The following CCDC57 variants were observed in gnomAD, a reference collection of about 807,000 sequenced individuals.
CCDC57 encodes the protein coiled-coil domain containing 57.
In CCDC57, 118 loss-of-function variants were observed where a neutral mutation model predicts 118.9. The observed-to-expected ratio is 0.99, with a 90% CI of 0.86 to 1.16. The LOEUF (loss-of-function observed/expected upper bound fraction) is 1.16, where lower values mean the gene tolerates loss of function less well. Ranked by LOEUF, CCDC57 falls within the 50% of genes most tolerant of loss-of-function variation. The pLI, the probability that CCDC57 is intolerant of heterozygous loss-of-function variation, is 0.00. For missense variants in CCDC57, 1,300 were observed against 1,320.7 expected, an observed-to-expected ratio of 0.98 and a Z score of 0.24; for synonymous variants, 527 against 532.9, an observed-to-expected ratio of 0.99 and a Z score of 0.15.
intron 4 of CCDC57, among the ~76,000 whole-genome samples, chr17:82,197,515 AT>A (rs556018952): frequency 3.0e-4 from 46 of 152,386 alleles, no homozygotes; most frequent in Non-Finnish European, 3.4e-4. Context: ...ACTTATCATA[AT>A]TGAATTCCAA....
At position 82,192,048 on chromosome 17, in the gene CCDC57, C is replaced by A. The variant is rs919498576; in HGVS notation, c.851+1708G>T. 6.6e-6 allele frequency among the ~76,000 whole-genome samples: 1 copy of A among 150,894 alleles called. No individual in the cohort carries two copies. Among genetic ancestry groups the A allele is most frequent in the Non-Finnish European group, 1.5e-5 (1 of 67,838 alleles). ...TCACCCAGGCTGGAGTGCAGTGGCGCGGTCTCGGCTCAGTGAAACCTCCAC... is the reference window on the plus strand; with the variant it reads ...TCACCCAGGCTGGAGTGCAGTGGCGAGGTCTCGGCTCAGTGAAACCTCCAC... On this transcript the variant is annotated intron_variant, in intron 7 of 19. Transcript: ENST00000665763. The surrounding 1 kb of genome is among the most constrained non-coding windows in gnomAD (Gnocchi z 4.0).
chr17:82,142,068 C>A (rs1404076374), intron 16 of CCDC57, among the ~76,000 whole-genome samples: 1 of 152,188 alleles, frequency 6.6e-6, no homozygotes, highest in Non-Finnish European at 1.5e-5. Flanking sequence ...TTCCTTGGAA[C>A]TGGTTACAGC....
chr17:82,134,920 T>G (rs949475297), intron 16 of CCDC57, among the ~76,000 whole-genome samples: 10 of 152,172 alleles, frequency 6.6e-5, no homozygotes, highest in African/African-American at 2.4e-4. Context: ...TTTCATCAAT[T>G]CCATTCATGT....
At chr17:82,106,003 G>C (rs1193412177) in intron 19 of CCDC57, among the ~76,000 whole-genome samples, 1 of 152,222 alleles carries the variant, frequency 6.6e-6, no homozygotes, top group Admixed American at 6.5e-5. Context: ...CCTGGGCGCC[G>C]ACCACAGGCT....
chr17:82,178,921 T>A, intron 10 of CCDC57, 106 bp downstream of exon 9: 2 of 1,252,276 alleles, frequency 1.6e-6, no homozygotes, highest in South Asian at 2.9e-5. Context: ...TGAGGTTTAG[T>A]GTTTTCAAAT....
chr17:82,140,335 CTCG>C (rs2039850239), intron 16 of CCDC57, among the ~76,000 whole-genome samples: 1 of 152,130 alleles, frequency 6.6e-6, no homozygotes, highest in African/African-American at 2.4e-5. Context: ...ATCTGCCTGC[CTCG>C]GCCTCCCAAA....
At chr17:82,160,346 GAC>G (rs1174141495) in intron 14 of CCDC57, 1 of 47,280 alleles carries the variant, frequency 2.1e-5, no homozygotes, top group Non-Finnish European at 4.1e-5. Flanking sequence ...CAGGTGCAGT[GAC>G]TCATACCTGT....
At chr17:82,127,172 G>A (rs1384530664) in intron 19 of CCDC57, 17 of 985,354 alleles carry the variant, frequency 1.7e-5, no homozygotes, top group Middle Eastern at 5.2e-4. Flanking sequence ...GGGCGGCAAC[G>A]TCCGCGCAGC....
At chr17:82,157,388 GC>G in intron 15 of CCDC57, 1 of 1,135,826 alleles carries the variant, frequency 8.8e-7, no homozygotes, top group Non-Finnish European at 1.1e-6. Context: ...GCACGCAGAC[GC>G]CCCCTCAGCA....
At position 82,212,593 on chromosome 17, in the gene CCDC57, C is replaced by T. The variant is rs1599537026; in HGVS notation, c.-211+192G>A. 1.3e-5 allele frequency among the ~76,000 whole-genome samples: 2 copies of T among 152,054 alleles called. 1 individual carries two copies. Among genetic ancestry groups the T allele is most frequent in the African/African-American group, 4.8e-5 (2 of 41,520 alleles). ...CGCGGCCGCAACCCCCGCCCCGCCC[C>T]GCCGCAGCCTCCGCGAGGGGATCCC... On this transcript the variant is annotated intron_variant, in intron 1 of 19. Coordinates refer to ENST00000665763, the Ensembl canonical transcript of CCDC57. The surrounding 1 kb of genome is among the most constrained non-coding windows in gnomAD (Gnocchi z 4.1).
chr17:82,186,161 G>A (rs377173424), intron 8 of CCDC57, among the ~76,000 whole-genome samples: 3 of 152,060 alleles, frequency 2.0e-5, no homozygotes, highest in Non-Finnish European at 2.9e-5. Flanking sequence ...CATGGGATCC[G>A]AATGATAGCT....
intron 15 of CCDC57, chr17:82,152,126 C>A (rs1337912516): frequency 6.8e-6 from 2 of 292,784 alleles, no homozygotes; most frequent in Non-Finnish European, 1.3e-5. Flanking sequence ...GGACACCCAA[C>A]CAGCACAGCA....
chr17:82,114,055 T>A (rs892946002), intron 19 of CCDC57, among the ~76,000 whole-genome samples: 2 of 152,228 alleles, frequency 1.3e-5, no homozygotes, highest in African/African-American at 2.4e-5. Flanking sequence ...CACCTTCTAG[T>A]GCAGGTTACC....
intron 19 of CCDC57, among the ~76,000 whole-genome samples, chr17:82,116,907 C>T (rs1315767481): frequency 6.6e-6 from 1 of 152,224 alleles, no homozygotes; most frequent in African/African-American, 2.4e-5. Context: ...TGTCTCCCTT[C>T]GAGTCCCTGA....
intron 15 of CCDC57, chr17:82,156,942 C>A: frequency 6.6e-6 from 1 of 152,510 alleles, no homozygotes; most frequent in Non-Finnish European, 1.5e-5. Flanking sequence ...TTGTGCTTTC[C>A]AGACATCATC....
chr17:82,203,347 T>C (rs1208322305), intron 2 of CCDC57, among the ~76,000 whole-genome samples: 2 of 152,200 alleles, frequency 1.3e-5, no homozygotes, highest in East Asian at 1.9e-4. Context: ...AATTAATCTT[T>C]CTTTATAAAT....
At chr17:82,147,808 A>G (rs2041023979) in intron 16 of CCDC57, among the ~76,000 whole-genome samples, 5 of 82,186 alleles carry the variant, frequency 6.1e-5, no homozygotes, top group South Asian at 4.4e-4. Flanking sequence ...GGGTGGGTGA[A>G]TAGATGAATG....
chr17:82,129,359 T>TG (rs772480155), intron 17 of CCDC57, among the ~76,000 whole-genome samples: 18 of 152,054 alleles, frequency 1.2e-4, no homozygotes, highest in Non-Finnish European at 2.2e-4. Flanking sequence ...AAAGGAAACA[T>TG]GGAGGAAAAC....
rs1015150930 is a variant in CCDC57 at position 82,145,601 on chromosome 17, C to T, written c.2455+5959G>A. Reference sequence around the variant, plus strand: ...ACTAGAAACAACATTTTAAGGAATCCCAGCTTTCTACAGGATCAAGGAAAT... The same window carrying T: ...ACTAGAAACAACATTTTAAGGAATCTCAGCTTTCTACAGGATCAAGGAAAT... On this transcript the variant is annotated intron_variant, in intron 16 of 19. Coordinates refer to ENST00000665763, the Ensembl canonical transcript of CCDC57. Among the ~76,000 whole-genome samples the T allele has an allele frequency of 7.9e-5, 12 of 152,028 alleles. 1 individual carries two copies. Among genetic ancestry groups the T allele is most frequent in the Admixed American group, 5.2e-4 (8 of 15,266 alleles).
Sources: allele counts gnomAD v4.1 joint callset (sites outside exome capture counted in the v4.1 genomes callset), GRCh38; gene constraint gnomAD v4.1.1; non-coding constraint Gnocchi (gnomAD v3.1); transcripts MANE v1.5; gene names NCBI Gene and HGNC (gene_info 2026-07-23, HGNC 2026-07-21).